The following KRT86 variants were observed in gnomAD, a reference collection of about 807,000 sequenced individuals.
The protein encoded by KRT86 is keratin, type II cuticular Hb6.
In KRT86, 30 loss-of-function variants were observed where a neutral mutation model predicts 41.2. That is an observed-to-expected ratio of 0.73 (90% confidence interval 0.54 to 0.99). The LOEUF is 0.99. KRT86 is among the 50% of genes least tolerant of loss of function. The pLI, the probability that KRT86 is intolerant of heterozygous loss-of-function variation, is 0.00. For missense variants in KRT86, 561 were observed against 571.4 expected (o/e 0.98, Z 0.19); for synonymous variants, 238 against 238.1 (o/e 1.00, Z 0.00).
chr12:52,308,529 G>A lies in KRT86; in HGVS notation c.1405G>A (p.Ala469Thr), dbSNP rs776126777. ...CAACGTGGTGGTGGGCACTACTAAC[G>A]CCTGCGCCCCCTCCGCCCGGGTTGG... is the stretch of plus-strand genomic sequence containing the variant. ...NSNVVVGTTN[A>T]CAPSARVGVC... The change falls in exon 11 of 11, where the codon GCC (alanine) becomes ACC (threonine). Residue 469 changes from alanine to threonine, a missense_variant. Transcript: ENST00000423955. 1.1e-5 allele frequency: 18 copies of A among 1,603,288 alleles called. No homozygotes were observed. The highest frequency in any genetic ancestry group is 1.1e-4 in the East Asian group (5 of 44,876).
chr12:52,305,405 G>T lies in KRT86; in HGVS notation c.900+1G>T. ...GGCCGAGTCCTGGTACCGCAGCAAG[G>T]TGAGTGGCACAGGACACCTGCCTGC... is the stretch of plus-strand genomic sequence containing the variant. On this transcript the variant is annotated splice_donor_variant, in intron 7 of 10. Coordinates refer to ENST00000423955, the MANE Select transcript of KRT86 (RefSeq NM_001320198.2). LOFTEE classifies it high-confidence loss of function. 1 of 1,614,200 alleles carries T rather than the reference G, an allele frequency of 6.2e-7. No homozygotes were observed. The highest frequency in any genetic ancestry group is 1.1e-5 in the South Asian group (1 of 91,084).
chr12:52,275,213 C>T (rs916031311), intron 1 of KRT86: 1 of 152,100 alleles, frequency 6.6e-6, no homozygotes. Flanking sequence ...TGTTCCCTGG[C>T]TATTCGTGTA....
At chr12:52,291,538 T>C (rs1375716956) in intron 2 of KRT86, 9 of 1,585,356 alleles carry the variant, frequency 5.7e-6, no homozygotes, top group Non-Finnish European at 7.7e-6. Flanking sequence ...TCCAATGTGC[T>C]CCTCAGGGCA....
intron 2 of KRT86, among the ~76,000 whole-genome samples, chr12:52,299,166 T>A (rs1308103442): frequency 6.6e-6 from 1 of 152,218 alleles, no homozygotes; most frequent in Non-Finnish European, 1.5e-5. Context: ...AGATCAATTT[T>A]TTTAGCTCTC....
At chr12:52,287,477 A>T (rs1937985094) in intron 2 of KRT86, 4 of 1,593,308 alleles carry the variant, frequency 2.5e-6, no homozygotes, top group Non-Finnish European at 3.4e-6. Context: ...ACGACCAGGG[A>T]CTCTACATGG....
chr12:52,304,508 G>A (rs1161285754), intron 5 of KRT86, among the ~76,000 whole-genome samples: 1 of 151,360 alleles, frequency 6.6e-6, no homozygotes, highest in Admixed American at 6.6e-5. Context: ...AGTCTGTCTA[G>A]CATTTTGGGG....
chr12:52,302,019 A>G lies in KRT86; in HGVS notation c.103A>G (p.Ile35Val). 8 of 1,611,588 alleles carry G rather than the reference A, an allele frequency of 5.0e-6. No homozygotes were observed. Among genetic ancestry groups the G allele is most frequent in the South Asian group, 2.2e-5 (2 of 90,954 alleles). ...CATCACCGCCGCCCCCTACCGTGGC[A>G]TCTCCTGCTACCGCGGCCTCACCGG... ...CCITAAPYRGISCYRGLTGGF... is the reference protein window; with the variant it reads ...CCITAAPYRGVSCYRGLTGGF... The change falls in exon 3 of 11, where the codon ATC becomes GTC. Residue 35 changes from isoleucine to valine, a missense_variant. This residue lies in a region of KRT86 where 164 missense variants were observed against 172.5 expected (regional missense o/e 0.95). Coordinates refer to ENST00000423955, the MANE Select transcript of KRT86 (RefSeq NM_001320198.2).
At position 52,299,913 on chromosome 12, in the gene KRT86, G is replaced by A. The variant is rs1425778620; in HGVS notation, c.-4-2000G>A. Among the ~76,000 whole-genome samples, 4 of 152,164 alleles carry A rather than the reference G, an allele frequency of 2.6e-5. No homozygotes were observed. In the East Asian group the frequency reaches 7.7e-4, roughly 29 times the overall value. ...AGGTCATTTCTTCAACTTGTTGATT[G>A]TTTCCTTTGGTGTGCAGAAGTTCTT... On this transcript the variant is annotated intron_variant, in intron 2 of 10. Coordinates refer to ENST00000423955, the MANE Select transcript of KRT86 (RefSeq NM_001320198.2).
At chr12:52,286,377 C>CGGT in intron 2 of KRT86, 1 of 1,555,252 alleles carries the variant, frequency 6.4e-7, no homozygotes, top group East Asian at 2.4e-5. Context: ...GCACACAGGC[C>CGGT]GGTGCTCACC....
intron 2 of KRT86, among the ~76,000 whole-genome samples, chr12:52,300,851 G>A (rs1223892577): frequency 1.3e-5 from 2 of 152,198 alleles, no homozygotes; most frequent in African/African-American, 2.4e-5. Context: ...CTAGGCCCTG[G>A]AGGTTACACA....
intron 2 of KRT86, among the ~76,000 whole-genome samples, chr12:52,296,020 C>T (rs1192651481): frequency 6.6e-6 from 1 of 152,046 alleles, no homozygotes; most frequent in South Asian, 2.1e-4. Flanking sequence ...TGGGGAAAGT[C>T]AGCCAATGAG....
intron 2 of KRT86, chr12:52,291,114 C>G (rs548481177): frequency 1.2e-6 from 1 of 822,458 alleles, no homozygotes; most frequent in Non-Finnish European, 1.7e-6. Flanking sequence ...ATGAAGGCCG[C>G]GAACCTGCTG....
At chr12:52,298,333 T>C (rs1938295182) in intron 2 of KRT86, among the ~76,000 whole-genome samples, 1 of 152,218 alleles carries the variant, frequency 6.6e-6, no homozygotes, top group South Asian at 2.1e-4. Flanking sequence ...GTAGATAACA[T>C]TTATTGAGCA....
intron 2 of KRT86, among the ~76,000 whole-genome samples, chr12:52,283,200 C>A (rs1351068408): frequency 6.6e-6 from 1 of 151,440 alleles, no homozygotes; most frequent in Non-Finnish European, 1.5e-5. Flanking sequence ...TTGAGACCAG[C>A]CTGGACAATA....
chr12:52,281,135 G>A (rs144436929), intron 2 of KRT86, among the ~76,000 whole-genome samples: 3 of 152,298 alleles, frequency 2.0e-5, no homozygotes, highest in Non-Finnish European at 4.4e-5. Flanking sequence ...GACTGGGGTG[G>A]GAGGAAACTG....
chr12:52,297,430 A>G (rs548228177), intron 2 of KRT86, among the ~76,000 whole-genome samples: 1 of 152,320 alleles, frequency 6.6e-6, no homozygotes, highest in Admixed American at 6.5e-5. Flanking sequence ...AGGAAATATC[A>G]GTCACAAAAT....
At chr12:52,304,382 G>GTT (rs1565748828) in intron 5 of KRT86, among the ~76,000 whole-genome samples, 1 of 128,866 alleles carries the variant, frequency 7.8e-6, no homozygotes, top group Admixed American at 8.1e-5. Context: ...ACCTACCTTG[G>GTT]GCAAGGGGAT....
chr12:52,286,800 C>G, intron 2 of KRT86: 1 of 1,614,090 alleles, frequency 6.2e-7, no homozygotes, highest in Non-Finnish European at 8.5e-7. Flanking sequence ...CAGACATTCA[C>G]AGCCCCAATG....
At chr12:52,305,951 G>T in intron 8 of KRT86, 109 bp from the exon 9 acceptor site, 1 of 1,567,760 alleles carries the variant, frequency 6.4e-7, no homozygotes, top group Non-Finnish European at 8.7e-7. Context: ...GAAGGCAAGA[G>T]GCTCTGTTCT....
Sources: allele counts gnomAD v4.1 joint callset (sites outside exome capture counted in the v4.1 genomes callset), GRCh38; gene constraint gnomAD v4.1.1; regional missense constraint gnomAD v4.1.1; transcripts MANE v1.5; gene names NCBI Gene and HGNC (gene_info 2026-07-23, HGNC 2026-07-21).